EPHA6: variants seen among roughly 807,000 people sequenced by gnomAD.
EPHA6 encodes EPH receptor A6.
EPHA6 carries 50 observed loss-of-function variants against 112.0 expected under a neutral mutation model. That is an observed-to-expected ratio of 0.45 (90% CI 0.36 to 0.56). The LOEUF is 0.56. Among genes scored for constraint, EPHA6 ranks in the 20% least tolerant of loss-of-function variants. EPHA6 has a pLI of 0.00. For missense variants in EPHA6, 1,280 were observed against 1,417.4 expected, an observed-to-expected ratio of 0.90 and a Z score of 1.56; for synonymous variants, 529 against 490.7, an observed-to-expected ratio of 1.08 and a Z score of -1.03.
At chr3:96,891,745 T>TA (rs1440620252) in intron 2 of EPHA6, among the ~76,000 whole-genome samples, 2 of 152,090 alleles carry the variant, frequency 1.3e-5, no homozygotes, top group Admixed American at 1.3e-4. Context: ...ATGCTGGTGA[T>TA]ATGCTGTTTT....
intron 5 of EPHA6, among the ~76,000 whole-genome samples, chr3:97,379,842 G>A (rs527368698): frequency 2.6e-4 from 40 of 151,632 alleles, no homozygotes; most frequent in Non-Finnish European, 5.4e-4. Context: ...ATGCTTTTTG[G>A]ATATTAAATG....
In EPHA6 at chr3:97,630,744, G is replaced by A. The variant is rs1050948446; in HGVS notation, c.2575-7129G>A. Among the ~76,000 whole-genome samples the A allele has an allele frequency of 1.2e-4, 18 of 151,994 alleles. 1 individual carries two copies. The highest frequency in any genetic ancestry group is 6.6e-5 in the Admixed American group (1 of 15,242). ...GGCCTGGAAGTTTCCTTCAAAATGGGGAAAGTGTGTTTTCCTTCCCTTTAC... is the reference window on the plus strand; with the variant it reads ...GGCCTGGAAGTTTCCTTCAAAATGGAGAAAGTGTGTTTTCCTTCCCTTTAC... On this transcript the variant is annotated intron_variant, in intron 13 of 17. Coordinates refer to ENST00000389672, the MANE Select transcript of EPHA6 (RefSeq NM_001080448.3).
intron 7 of EPHA6, among the ~76,000 whole-genome samples, chr3:97,453,792 G>A (rs1453822477): frequency 6.6e-6 from 1 of 151,658 alleles, no homozygotes; most frequent in Non-Finnish European, 1.5e-5. Context: ...CCATTTATAG[G>A]TAGGAAATTA....
At chr3:96,836,632 A>G (rs1024524509) in intron 1 of EPHA6, among the ~76,000 whole-genome samples, 3 of 152,180 alleles carry the variant, frequency 2.0e-5, no homozygotes, top group Non-Finnish European at 4.4e-5. Context: ...AAAAACTGTG[A>G]TTCATGTTGG....
chr3:97,266,135 T>C (rs1246971359), intron 5 of EPHA6, among the ~76,000 whole-genome samples: 2 of 152,186 alleles, frequency 1.3e-5, no homozygotes, highest in African/African-American at 2.4e-5. Context: ...TTTTAAACCA[T>C]CTTAAAGAGA....
chr3:96,885,484 T>C (rs188864504), intron 2 of EPHA6, among the ~76,000 whole-genome samples: 3 of 152,302 alleles, frequency 2.0e-5, no homozygotes, highest in Admixed American at 2.0e-4. Flanking sequence ...AATTTATCCA[T>C]CTCTTCTAGG....
In EPHA6 at chr3:97,757,822, A is replaced by G. The variant is rs1426579717; in HGVS notation, c.*9121A>G. 6.6e-6 allele frequency among the ~76,000 whole-genome samples: 1 copy of G among 151,894 alleles called. No homozygotes were observed. Among genetic ancestry groups the G allele is most frequent in the African/African-American group, 2.4e-5 (1 of 41,424 alleles). ...TTTCCAGTTGTTTTAAGTATTTTAA[A>G]AAAGAGCCATTGTATTTTTTATATT... On this transcript the variant is annotated 3_prime_UTR_variant, in exon 18 of 18. Coordinates refer to ENST00000389672, the MANE Select transcript of EPHA6 (RefSeq NM_001080448.3).
intron 5 of EPHA6, among the ~76,000 whole-genome samples, chr3:97,390,546 C>A (rs1016801529): frequency 1.3e-5 from 2 of 151,468 alleles, no homozygotes; most frequent in Non-Finnish European, 2.9e-5. Context: ...TATTCATACA[C>A]ACACATATAC....
rs561556352 is a variant in EPHA6 at position 97,458,055 on chromosome 3, G to A, written c.1894+9325G>A. On this transcript the variant is annotated intron_variant, in intron 7 of 17. Transcript: ENST00000389672. ...TGCACTCCAGCCTGGGCGACAGTGC[G>A]AGACTCCGTCTCAAAAAAAAAAAAA... Among the ~76,000 whole-genome samples, 37 of 106,370 alleles carry A rather than the reference G, an allele frequency of 3.5e-4. No homozygotes were observed. In the East Asian group the frequency reaches 0.012, roughly 33 times the overall value. The allele number at this position is 106,370 out of a possible 152,430, so 69.8% of individuals were successfully genotyped here. A position where few individuals can be genotyped will look rare whatever the true frequency, so the allele number is the denominator to read the frequency against.
At chr3:97,429,271 T>C (rs1310291484) in intron 6 of EPHA6, among the ~76,000 whole-genome samples, 1 of 152,134 alleles carries the variant, frequency 6.6e-6, no homozygotes. Context: ...AGTAGGAAAA[T>C]ATCATTTTTA....
chr3:96,914,724 G>A (rs1331811291), intron 2 of EPHA6, among the ~76,000 whole-genome samples: 1 of 152,008 alleles, frequency 6.6e-6, no homozygotes, highest in Non-Finnish European at 1.5e-5. Context: ...TTGTTTGCTA[G>A]CAAAATTTGA....
intron 2 of EPHA6, among the ~76,000 whole-genome samples, chr3:96,964,151 T>C (rs1026293714): frequency 6.6e-6 from 1 of 152,148 alleles, no homozygotes; most frequent in African/African-American, 2.4e-5. Flanking sequence ...CGTTTGTCTT[T>C]TGTGTTTCAA....
chr3:96,924,283 T>C (rs1407155808), intron 2 of EPHA6, among the ~76,000 whole-genome samples: 1 of 152,354 alleles, frequency 6.6e-6, no homozygotes, highest in East Asian at 1.9e-4. Context: ...TCTATGAGCA[T>C]GGAATGTTTT....
At chr3:97,105,897 A>G (rs1013256063) in intron 3 of EPHA6, among the ~76,000 whole-genome samples, 16 of 152,082 alleles carry the variant, frequency 1.1e-4, no homozygotes, top group East Asian at 1.9e-4. Context: ...TTTTACCATT[A>G]TGTGATGCCT....
intron 5 of EPHA6, among the ~76,000 whole-genome samples, chr3:97,286,773 G>A (rs2108676828): frequency 6.7e-6 from 1 of 149,012 alleles, no homozygotes; most frequent in East Asian, 2.0e-4. Context: ...CTAGTTCTGT[G>A]AAAAAATCAC....
chr3:97,392,183 A>G (rs1005848795), intron 5 of EPHA6, among the ~76,000 whole-genome samples: 1 of 151,988 alleles, frequency 6.6e-6, no homozygotes, highest in Middle Eastern at 3.4e-3. Context: ...TATATCTTAG[A>G]ATAAATATTC....
chr3:97,636,244 T>C (rs2107551836), intron 13 of EPHA6, among the ~76,000 whole-genome samples: 1 of 152,232 alleles, frequency 6.6e-6, no homozygotes, highest in Non-Finnish European at 1.5e-5. Flanking sequence ...AAGCCAACTT[T>C]TAAACTTCAG....
Position 97,094,014 on chromosome 3 carries a change from A to G in EPHA6, c.1114+106021A>G, listed in dbSNP as rs555462366. On this transcript the variant is annotated intron_variant, in intron 3 of 17. Transcript: ENST00000389672. ...AAAGGGGTTACCTCTGGGATTGGCT[A>G]AGTCATGGCCAGATGATCCTCCATG... 5.9e-5 allele frequency among the ~76,000 whole-genome samples: 9 copies of G among 152,222 alleles called. No homozygotes were observed. In the East Asian group the frequency reaches 1.6e-3, roughly 26 times the overall value.
chr3:97,504,209 C>T (rs924108216), intron 10 of EPHA6, among the ~76,000 whole-genome samples: 3 of 152,154 alleles, frequency 2.0e-5, no homozygotes, highest in Non-Finnish European at 2.9e-5. Flanking sequence ...GTAGCAGTCT[C>T]TCATTGTGAA....
Sources: gnomAD v4.1 joint callset for allele counts (sites outside exome capture counted in the v4.1 genomes callset) on GRCh38, gnomAD v4.1.1 for gene constraint, MANE v1.5 for transcripts, NCBI Gene and HGNC (gene_info 2026-07-23, HGNC 2026-07-21) for gene names.